The following EFCAB11 variants were observed in gnomAD, a reference collection of about 807,000 sequenced individuals.
The protein encoded by EFCAB11 is EF-hand calcium binding domain 11.
In EFCAB11, 14 loss-of-function variants were observed where a neutral mutation model predicts 23.0. That is an observed-to-expected ratio of 0.61 (90% CI 0.40 to 0.95). EFCAB11 has a LOEUF of 0.95. EFCAB11 is among the 40% of genes least tolerant of loss of function. The pLI, the probability that EFCAB11 is intolerant of heterozygous loss-of-function variation, is 0.00. For synonymous variants in EFCAB11, 65 were observed against 66.6 expected (o/e 0.98, Z 0.11); for missense variants, 198 against 195.8 (o/e 1.01, Z -0.07).
At chr14:89,954,274 C>T (rs2139858901) in intron 1 of EFCAB11, 12 of 1,421,316 alleles carry the variant, frequency 8.4e-6, no homozygotes, top group East Asian at 7.4e-5. Flanking sequence ...TAAATTCTAC[C>T]CAAAATTCAG....
At position 89,797,276 on chromosome 14, in the gene EFCAB11, T is replaced by C; in HGVS notation, c.459A>G (p.Glu153=). Residue 153 remains glutamate (E), a synonymous_variant, in exon 6 of 6, where the codon GAA becomes GAG. Transcript: ENST00000316738. The part of the protein sequence containing the change: ...SDGHVSFRDF[E]YALNYGQKEA ...CCTTCTGTCCATAGTTCAGGGCATATTCAAAGTCTCTAAAGCTGACGTGAC... is the reference window on the plus strand; with the variant it reads ...CCTTCTGTCCATAGTTCAGGGCATACTCAAAGTCTCTAAAGCTGACGTGAC... The C allele has an allele frequency of 1.2e-6, 2 of 1,613,562 alleles. No individual in the cohort carries two copies. Among genetic ancestry groups the C allele is most frequent in the Middle Eastern group, 1.7e-4 (1 of 6,054 alleles).
intron 5 of EFCAB11, among the ~76,000 whole-genome samples, chr14:89,865,588 AC>A (rs1888062266): frequency 1.3e-5 from 2 of 152,054 alleles, no homozygotes; most frequent in African/African-American, 4.8e-5. Context: ...TGCAGCGTCA[AC>A]CTCCTGGGCT....
intron 5 of EFCAB11, among the ~76,000 whole-genome samples, chr14:89,884,536 T>G (rs2140179635): frequency 1.3e-5 from 2 of 152,238 alleles, no homozygotes; most frequent in East Asian, 3.9e-4. Flanking sequence ...TTTATCACTA[T>G]GTGGGAGACC....
chr14:89,921,063 T>TAAAAAAAAAAAAAAAAAAA (rs199585363), intron 5 of EFCAB11, among the ~76,000 whole-genome samples: 1 of 111,566 alleles, frequency 9.0e-6, no homozygotes, highest in Non-Finnish European at 1.7e-5. Context: ...AGACTCTGTC[T>TAAAAAAAAAAAAAAAAAAA]AAAAAAAAAA....
chr14:89,856,425 A>G (rs1887754974), intron 5 of EFCAB11, among the ~76,000 whole-genome samples: 1 of 152,084 alleles, frequency 6.6e-6, no homozygotes, highest in Non-Finnish European at 1.5e-5. Context: ...CCTGAGCTCA[A>G]GCAATCCGCC....
At position 89,936,355 on chromosome 14, in the gene EFCAB11, T is replaced by C. The variant is rs540753974; in HGVS notation, c.218-3728A>G. Among the ~76,000 whole-genome samples, 3 of 152,322 alleles carry C rather than the reference T, an allele frequency of 2.0e-5. No homozygotes were observed. In the South Asian group the frequency reaches 6.2e-4, roughly 32 times the overall value. ...ATGAGTATTTGGAGCTGTGAAGTAT[T>C]CAGGTCTTTATTTTACAATATTGTA... On this transcript the variant is annotated intron_variant, in intron 3 of 5. Transcript: ENST00000316738.
chr14:89,926,803 G>A (rs1190387530), intron 5 of EFCAB11, among the ~76,000 whole-genome samples: 3 of 152,142 alleles, frequency 2.0e-5, no homozygotes. Flanking sequence ...AGACAGTGGG[G>A]AATATAATTC....
At chr14:89,868,079 A>G (rs1186261350) in intron 5 of EFCAB11, among the ~76,000 whole-genome samples, 1 of 152,224 alleles carries the variant, frequency 6.6e-6, no homozygotes, top group Non-Finnish European at 1.5e-5. Flanking sequence ...CTTCCCAATC[A>G]TTTGGAAACC....
rs565302290 is a variant in EFCAB11, at chr14:89,914,309, T to C, written c.410+17232A>G. Among the ~76,000 whole-genome samples, 3 of 152,292 alleles carry C rather than the reference T, an allele frequency of 2.0e-5. No homozygotes were observed. In the South Asian group the frequency reaches 6.2e-4, roughly 32 times the overall value. ...CCCTGGCTAAGAGCATGGGATGTGG[T>C]GGAGGCTCAAAAAGAACTGAGTCTG... On this transcript the variant is annotated intron_variant, in intron 5 of 5. Transcript: ENST00000316738.
chr14:89,818,273 G>A lies in EFCAB11; in HGVS notation c.411-20949C>T, dbSNP rs143453915. Among the ~76,000 whole-genome samples, 698 of 152,190 alleles carry A rather than the reference G, an allele frequency of 4.6e-3. 14 individuals carry two copies. The highest frequency in any genetic ancestry group is 5.6e-3 in the Non-Finnish European group (382 of 68,000). The stretch of plus-strand genomic sequence containing the variant: ...TGAAGTGAAATATAACTGTAATGTC[G>A]CACTTTACACTCACCAAAATAGCAA... On this transcript the variant is annotated intron_variant, in intron 5 of 5. Transcript: ENST00000316738.
In EFCAB11 at chr14:89,795,779, T is replaced by G. The variant is rs1885557976; in HGVS notation, c.*1464A>C. The G allele has an allele frequency of 6.6e-6, 1 of 152,232 alleles. No individual in the cohort carries two copies. Among genetic ancestry groups the G allele is most frequent in the African/African-American group, 2.4e-5 (1 of 41,456 alleles). 9.4% of individuals were successfully genotyped at this position (152,232 alleles called of 1,614,324 possible). The stretch of plus-strand genomic sequence containing the variant: ...TTACAATTTTACTTGACCTTTAAAT[T>G]TTAACACTTAAAAAGTGAATTATAT... On this transcript the variant is annotated 3_prime_UTR_variant, in exon 6 of 6. Transcript: ENST00000316738.
chr14:89,926,116 A>G (rs1890187021), intron 5 of EFCAB11, among the ~76,000 whole-genome samples: 1 of 152,144 alleles, frequency 6.6e-6, no homozygotes, highest in Non-Finnish European at 1.5e-5. Flanking sequence ...CACCCACCCG[A>G]AAGTTTTAAG....
intron 5 of EFCAB11, among the ~76,000 whole-genome samples, chr14:89,909,956 C>A (rs1312446218): frequency 6.6e-6 from 1 of 152,170 alleles, no homozygotes; most frequent in Admixed American, 6.5e-5. Context: ...TGCCCCCTCC[C>A]CAGTCTGCAG....
chr14:89,858,759 C>A (rs1334743016), intron 5 of EFCAB11, among the ~76,000 whole-genome samples: 1 of 151,588 alleles, frequency 6.6e-6, no homozygotes, highest in African/African-American at 2.4e-5. Flanking sequence ...TTTGGCCTCC[C>A]ACTTGAGCCA....
chr14:89,829,998 A>C (rs1404142209), intron 5 of EFCAB11: 1 of 152,208 alleles, frequency 6.6e-6, no homozygotes, highest in East Asian at 1.9e-4. Context: ...GCTCCATCTT[A>C]GATAAAATTT....
intron 5 of EFCAB11, among the ~76,000 whole-genome samples, chr14:89,828,945 G>A (rs1397891387): frequency 1.3e-5 from 2 of 152,184 alleles, no homozygotes; most frequent in East Asian, 1.9e-4. Context: ...ACTGGCTAAC[G>A]ATCCAGAAGG....
chr14:89,875,419 C>T (rs772031800), intron 5 of EFCAB11, among the ~76,000 whole-genome samples: 2 of 152,086 alleles, frequency 1.3e-5, no homozygotes, highest in Non-Finnish European at 2.9e-5. Flanking sequence ...CATATAGCCA[C>T]ACAATTGTGA....
chr14:89,857,508 TTTC>T (rs920244698), intron 5 of EFCAB11, among the ~76,000 whole-genome samples: 3 of 67,888 alleles, frequency 4.4e-5, no homozygotes, highest in Non-Finnish European at 1.3e-4. Context: ...TGACCTGGTC[TTTC>T]TTTTTTTTCT....
chr14:89,890,664 G>A (rs111871894), intron 5 of EFCAB11, among the ~76,000 whole-genome samples: 9 of 152,160 alleles, frequency 5.9e-5, no homozygotes, highest in African/African-American at 2.2e-4. Flanking sequence ...ACCTTAAAAG[G>A]ACTGAAAAAT....
Sources: gnomAD v4.1 joint callset for allele counts (sites outside exome capture counted in the v4.1 genomes callset) on GRCh38, gnomAD v4.1.1 for gene constraint, MANE v1.5 for transcripts, NCBI Gene and HGNC (gene_info 2026-07-23, HGNC 2026-07-21) for gene names.